Variants in CAGE1 observed in about 807,000 individuals in gnomAD.
CAGE1 encodes cancer antigen 1.
Under a neutral mutation model 94.9 loss-of-function variants are expected in CAGE1, and 66 were observed. The observed-to-expected ratio is 0.70, with a 90% confidence interval of 0.57 to 0.85. The LOEUF is 0.85. CAGE1 is among the 40% of genes least tolerant of loss of function. The pLI is 0.00. For missense variants in CAGE1, 865 were observed against 950.4 expected, an observed-to-expected ratio of 0.91 and a Z score of 1.18; for synonymous variants, 319 against 321.0, an observed-to-expected ratio of 0.99 and a Z score of 0.07.
chr6:7,389,708 C>A lies in CAGE1; in HGVS notation c.-530G>T. The A allele has an allele frequency of 2.0e-6, 1 of 505,368 alleles. No individual in the cohort carries two copies. The highest frequency in any genetic ancestry group is 3.6e-6 in the Non-Finnish European group (1 of 279,278). 31.3% of individuals were successfully genotyped at this position (505,368 alleles called of 1,614,324 possible). Reference sequence around the variant, plus strand: ...CGCCTTCCTGAGAGCACAGAACATCCACAGCCCTATACAGCGCGCCATCCA... The same window carrying A: ...CGCCTTCCTGAGAGCACAGAACATCAACAGCCCTATACAGCGCGCCATCCA... On this transcript the variant is annotated 5_prime_UTR_variant, in exon 1 of 14. Transcript: ENST00000502583.
chr6:7,349,485 TAA>T, intron 11 of CAGE1, among the ~76,000 whole-genome samples: 1 of 151,654 alleles, frequency 6.6e-6, no homozygotes, highest in South Asian at 2.1e-4. Context: ...ACAGGACCTA[TAA>T]AACAAAAATA....
intron 4 of CAGE1, among the ~76,000 whole-genome samples, chr6:7,374,595 T>G (rs2876099): frequency 0.44 from 66,878 of 151,288 alleles, 15,354 homozygotes; most frequent in African/African-American, 0.57. Flanking sequence ...GGGGGGAAAG[T>G]TCTCTTCTCT....
chr6:7,389,637 G>A lies in CAGE1; in HGVS notation c.-459C>T, dbSNP rs1341729448. On this transcript the variant is annotated 5_prime_UTR_variant, in exon 1 of 14. Coordinates refer to ENST00000502583, the MANE Select transcript of CAGE1 (RefSeq NM_001170692.2). ...AGTGGGGTACAGAAACGAAAACTCCGGGAAGAAACGGCCAGCACGGGCCTC... is the reference window on the plus strand; with the variant it reads ...AGTGGGGTACAGAAACGAAAACTCCAGGAAGAAACGGCCAGCACGGGCCTC... 5.4e-6 allele frequency: 2 copies of A among 370,826 alleles called. No homozygotes were observed. Among genetic ancestry groups the A allele is most frequent in the Non-Finnish European group, 1.0e-5 (2 of 194,356 alleles). The allele number at this position is 370,826 out of a possible 1,614,324, so 23.0% of individuals were successfully genotyped here.
chr6:7,344,318 A>G lies in CAGE1; in HGVS notation c.2370-10228T>C, dbSNP rs546207982. 7.9e-5 allele frequency among the ~76,000 whole-genome samples: 12 copies of G among 152,334 alleles called. No homozygotes were observed. The South Asian group carries it at 2.5e-3, about 32-fold the overall frequency. ...GGCGGGTCCCGCACTCGGAGCAGCC[A>G]GCCGGCCCTGCCAGCCCGGGCAATG... On this transcript the variant is annotated intron_variant, in intron 11 of 13. Coordinates refer to ENST00000502583, the MANE Select transcript of CAGE1 (RefSeq NM_001170692.2).
chr6:7,339,135 T>C lies in CAGE1; in HGVS notation c.2370-5045A>G. The C allele has an allele frequency of 6.4e-7, 1 of 1,560,250 alleles. No individual in the cohort carries two copies. Among genetic ancestry groups the C allele is most frequent in the Non-Finnish European group, 8.8e-7 (1 of 1,132,082 alleles). On this transcript the variant is annotated intron_variant, in intron 11 of 13. Transcript: ENST00000502583. This position sits in a 1 kb window ranked among gnomAD's most constrained non-coding sequence, Gnocchi z 4.7. ...CACAAACTTCATGGATTTAGCTCTC[T>C]GTCCTCAGAGTTTCCCAGACACCAC...
In CAGE1 at chr6:7,373,786, T is replaced by G. The variant is rs201211151; in HGVS notation, c.1033A>C (p.Thr345Pro). The G allele has an allele frequency of 4.0e-4, 638 of 1,613,740 alleles. No homozygotes were observed. The highest frequency in any genetic ancestry group is 4.9e-4 in the Non-Finnish European group (582 of 1,179,764). ...KRVKELQMKI[T>P]KQQVFIDVIN... ...ACATCAATGAACACTTGCTGTTTGG[T>G]AATCTTCATCTGTAGTTCTTTAACC... The change falls in exon 5 of 14, where the codon ACC (threonine) becomes CCC (proline). Residue 345 changes from threonine (T) to proline (P), a missense_variant. Transcript: ENST00000502583.
intron 4 of CAGE1, among the ~76,000 whole-genome samples, chr6:7,375,669 T>C (rs1760714728): frequency 6.6e-6 from 1 of 152,042 alleles, no homozygotes; most frequent in South Asian, 2.1e-4. Context: ...TTGTGGGCCA[T>C]GATCACACTG....
intron 6 of CAGE1, among the ~76,000 whole-genome samples, chr6:7,369,709 C>T (rs1000586005): frequency 3.3e-5 from 5 of 152,182 alleles, no homozygotes; most frequent in African/African-American, 9.7e-5. Context: ...TCTATCTCTA[C>T]GCTTGTGAGC....
At chr6:7,358,504 T>C (rs901776918) in intron 9 of CAGE1, among the ~76,000 whole-genome samples, 1 of 152,142 alleles carries the variant, frequency 6.6e-6, no homozygotes, top group Admixed American at 6.5e-5. Context: ...AAAGACCTCA[T>C]ACATATTTGT....
chr6:7,326,951 C>A, intron 13 of CAGE1, 52 bp from the exon 14 acceptor site: 1 of 1,437,034 alleles, frequency 7.0e-7, no homozygotes, highest in South Asian at 1.1e-5. Flanking sequence ...GACTAACATT[C>A]AGTGACAGAA....
chr6:7,358,167 G>A (rs894769271), intron 9 of CAGE1, among the ~76,000 whole-genome samples: 4 of 148,674 alleles, frequency 2.7e-5, no homozygotes, highest in African/African-American at 9.9e-5. Flanking sequence ...CCTCCCTCCT[G>A]CCCATCTGCC....
At position 7,373,218 on chromosome 6, in the gene CAGE1, TGAA is replaced by T. The variant is rs1279800526; in HGVS notation, c.1598_1600del (p.Leu533del). ...ATTTTTTACTTCGTTGATTTGCTGC[TGAA>T]GTTTTATATTCTTCGTTCTTTCATT... On this transcript the variant is annotated inframe_deletion, in exon 5 of 14. Coordinates refer to ENST00000502583, the MANE Select transcript of CAGE1 (RefSeq NM_001170692.2). 1 of 1,611,354 alleles carries T rather than the reference TGAA, an allele frequency of 6.2e-7. No homozygotes were observed. The highest frequency in any genetic ancestry group is 1.7e-5 in the Admixed American group (1 of 59,566).
At chr6:7,355,132 C>G in intron 10 of CAGE1, 21 bp from the exon 11 acceptor site, 1 of 1,523,616 alleles carries the variant, frequency 6.6e-7, no homozygotes, top group Non-Finnish European at 8.9e-7. Context: ...ATAAGCTAAA[C>G]CAATTATTTT....
chr6:7,336,307 A>T (rs1027707131), intron 11 of CAGE1, among the ~76,000 whole-genome samples: 10 of 152,194 alleles, frequency 6.6e-5, no homozygotes, highest in African/African-American at 2.2e-4. Context: ...GAATATATTG[A>T]CACTGCACTC....
At position 7,362,533 on chromosome 6, in the gene CAGE1, G is replaced by C. The variant is rs952137770; in HGVS notation, c.2193+2935C>G. Among the ~76,000 whole-genome samples, 4 of 152,220 alleles carry C rather than the reference G, an allele frequency of 2.6e-5. No individual in the cohort carries two copies. Among genetic ancestry groups the C allele is most frequent in the Non-Finnish European group, 4.4e-5 (3 of 68,034 alleles). ...CCCTGTCTCAGGATGGAGGAGGCCAGGCTGTGAATGGAGCAGATGGCAGGG... is the reference window on the plus strand; with the variant it reads ...CCCTGTCTCAGGATGGAGGAGGCCACGCTGTGAATGGAGCAGATGGCAGGG... On this transcript the variant is annotated intron_variant, in intron 9 of 13. Coordinates refer to ENST00000502583, the MANE Select transcript of CAGE1 (RefSeq NM_001170692.2). This position sits in a 1 kb window ranked among gnomAD's most constrained non-coding sequence, Gnocchi z 4.1.
chr6:7,356,245 C>T (rs1001301179), intron 9 of CAGE1, 116 bp from the exon 10 acceptor site: 7 of 638,350 alleles, frequency 1.1e-5, no homozygotes, highest in East Asian at 2.8e-5. Context: ...TCTTCTAAAC[C>T]GAGCTGTACC....
At chr6:7,357,979 A>G (rs1456811082) in intron 9 of CAGE1, among the ~76,000 whole-genome samples, 1 of 142,362 alleles carries the variant, frequency 7.0e-6, no homozygotes, top group Non-Finnish European at 1.5e-5. Context: ...GTTTTAGTAG[A>G]GACGGGGTTT....
At chr6:7,346,758 A>T (rs943086929) in intron 11 of CAGE1, among the ~76,000 whole-genome samples, 1 of 86,964 alleles carries the variant, frequency 1.1e-5, no homozygotes, top group African/African-American at 4.0e-5. Flanking sequence ...GCTGAGGCAG[A>T]AGAATTGCTT....
intron 3 of CAGE1, among the ~76,000 whole-genome samples, chr6:7,384,631 C>T (rs1293530006): frequency 6.6e-6 from 1 of 152,028 alleles, no homozygotes; most frequent in Non-Finnish European, 1.5e-5. Context: ...ATCAATGTAT[C>T]TCATTATATG....
Sources: gnomAD v4.1 joint callset for allele counts (sites outside exome capture counted in the v4.1 genomes callset) on GRCh38, gnomAD v4.1.1 for gene constraint, Gnocchi (gnomAD v3.1) non-coding constraint, MANE v1.5 for transcripts, NCBI Gene and HGNC (gene_info 2026-07-23, HGNC 2026-07-21) for gene names.